CDYL2: variants seen among roughly 807,000 people sequenced by gnomAD.
CDYL2 encodes chromodomain Y-like protein 2.
Under a neutral mutation model 49.4 loss-of-function variants are expected in CDYL2, and 23 were observed. The observed-to-expected ratio is 0.47, with a 90% CI of 0.34 to 0.66. CDYL2 has a LOEUF of 0.66. Among genes scored for constraint, CDYL2 ranks in the 30% least tolerant of loss-of-function variants. The probability of loss-of-function intolerance (pLI) is 0.01; values close to 1 mark genes in which losing one functional copy is unlikely to be tolerated. For missense variants in CDYL2, 678 were observed against 656.4 expected (o/e 1.03, Z -0.36); for synonymous variants, 360 against 268.8 (o/e 1.34, Z -3.32).
intron 1 of CDYL2, among the ~76,000 whole-genome samples, chr16:80,699,500 T>C (rs1904290075): frequency 6.8e-6 from 1 of 148,114 alleles, no homozygotes; most frequent in South Asian, 2.2e-4. Context: ...CAGTAGTTAC[T>C]AGAGGCTGTG....
chr16:80,796,256 G>C (rs1597137891), intron 1 of CDYL2, among the ~76,000 whole-genome samples: 1 of 152,180 alleles, frequency 6.6e-6, no homozygotes, highest in Non-Finnish European at 1.5e-5. Context: ...AACTGATTGA[G>C]TCAGGACCAT....
intron 1 of CDYL2, among the ~76,000 whole-genome samples, chr16:80,764,327 G>T (rs2142386586): frequency 6.6e-6 from 1 of 152,240 alleles, no homozygotes; most frequent in East Asian, 1.9e-4. Flanking sequence ...CTGCAAGACT[G>T]TTCTGAGAGA....
chr16:80,608,886 C>T (rs1436693977), intron 5 of CDYL2, among the ~76,000 whole-genome samples: 2 of 152,258 alleles, frequency 1.3e-5, no homozygotes, highest in Admixed American at 1.3e-4. Context: ...ACTGCCACTT[C>T]TGCTTTCCAG....
In CDYL2 at chr16:80,612,886, C is replaced by T; in HGVS notation, c.1008-50G>A. The T allele has an allele frequency of 1.3e-6, 2 of 1,504,192 alleles. No homozygotes were observed. The highest frequency in any genetic ancestry group is 4.6e-5 in the East Asian group (2 of 43,028). 93.2% of individuals were successfully genotyped at this position (1,504,192 alleles called of 1,614,324 possible). A position where few individuals can be genotyped will look rare whatever the true frequency, so the allele number is the denominator to read the frequency against. Reference sequence around the variant, plus strand: ...GAACAGGTGACTATAGCATGCTAAGCCCCACTGGAACCCTTGACTCTCCCA... The same window carrying T: ...GAACAGGTGACTATAGCATGCTAAGTCCCACTGGAACCCTTGACTCTCCCA... On this transcript the variant is annotated intron_variant, in intron 4 of 6. Coordinates refer to ENST00000570137, the MANE Select transcript of CDYL2 (RefSeq NM_152342.4). The surrounding 1 kb of genome is among the most constrained non-coding windows in gnomAD (Gnocchi z 5.0).
At chr16:80,630,458 G>A (rs1441283254) in intron 3 of CDYL2, among the ~76,000 whole-genome samples, 1 of 152,228 alleles carries the variant, frequency 6.6e-6, no homozygotes, top group Non-Finnish European at 1.5e-5. Context: ...TTAGAAAGTA[G>A]TGAAGTAGAA....
At chr16:80,665,235 T>C (rs1476457917) in intron 2 of CDYL2, among the ~76,000 whole-genome samples, 2 of 152,180 alleles carry the variant, frequency 1.3e-5, no homozygotes, top group African/African-American at 4.8e-5. Flanking sequence ...TCAAGCTCCA[T>C]GCATCCTTCA....
At chr16:80,620,187 T>C (rs1248978713) in intron 4 of CDYL2, among the ~76,000 whole-genome samples, 2 of 152,206 alleles carry the variant, frequency 1.3e-5, no homozygotes. Context: ...CCCTTCAGTG[T>C]CCCAAAAGGG....
rs1905975295 is a variant in CDYL2 at position 80,599,315 on chromosome 16, T to TA, written c.*5072dup. On this transcript the variant is annotated 3_prime_UTR_variant, in exon 7 of 7. Transcript: ENST00000570137. ...GAACCAAATAACTTGATTTTAGCCA[T>TA]ATGATAGCCCTGGACTACTTTATGT... 6.6e-6 allele frequency: 1 copy of TA among 152,222 alleles called. No homozygotes were observed. The highest frequency in any genetic ancestry group is 1.5e-5 in the Non-Finnish European group (1 of 68,034). 9.4% of individuals were successfully genotyped at this position (152,222 alleles called of 1,614,324 possible). A position where few individuals can be genotyped will look rare whatever the true frequency, so the allele number is the denominator to read the frequency against.
chr16:80,692,616 T>C lies in CDYL2; in HGVS notation c.25-7487A>G, dbSNP rs928367395. Among the ~76,000 whole-genome samples, 3 of 152,268 alleles carry C rather than the reference T, an allele frequency of 2.0e-5. 1 individual carries two copies. The South Asian group carries it at 6.2e-4, about 31-fold the overall frequency. On this transcript the variant is annotated intron_variant, in intron 1 of 6. Transcript: ENST00000570137. ...GGAGTTGAGGCTTAAGTAATCATTG[T>C]AATTATGACAAATTGAAAGCAAATA...
chr16:80,713,998 T>A (rs1429609060), intron 1 of CDYL2, among the ~76,000 whole-genome samples: 2 of 152,144 alleles, frequency 1.3e-5, no homozygotes, highest in African/African-American at 4.8e-5. Flanking sequence ...CCAGCAGAGG[T>A]GCCGAACATT....
intron 6 of CDYL2, among the ~76,000 whole-genome samples, chr16:80,606,688 T>C (rs942120878): frequency 3.3e-5 from 5 of 152,210 alleles, no homozygotes; most frequent in South Asian, 4.1e-4. Context: ...CCAAATCTCA[T>C]CTTGAATTGT....
At chr16:80,624,121 C>G (rs1907203205) in intron 3 of CDYL2, among the ~76,000 whole-genome samples, 1 of 152,166 alleles carries the variant, frequency 6.6e-6, no homozygotes, top group Admixed American at 6.5e-5. Context: ...CGTATCTAGA[C>G]TACACAATGT....
intron 2 of CDYL2, among the ~76,000 whole-genome samples, chr16:80,649,871 A>G (rs1908512094): frequency 6.6e-6 from 1 of 152,166 alleles, no homozygotes. Flanking sequence ...GGGGAAAGAT[A>G]GCTTCTTCAA....
intron 1 of CDYL2, 120 bp downstream of exon 1, chr16:80,804,030 G>C: frequency 2.9e-6 from 2 of 695,372 alleles, no homozygotes; most frequent in Non-Finnish European, 3.5e-6. Context: ...CGCCGCCGCC[G>C]CGGGCTCGGC....
intron 2 of CDYL2, among the ~76,000 whole-genome samples, chr16:80,646,078 G>T (rs977509479): frequency 6.6e-6 from 1 of 151,230 alleles, no homozygotes; most frequent in Non-Finnish European, 1.5e-5. Context: ...CCAACATGGC[G>T]CATGTATACA....
chr16:80,637,690 C>A lies in CDYL2; in HGVS notation c.617-4454G>T, dbSNP rs115501614. On this transcript the variant is annotated intron_variant, in intron 2 of 6. Transcript: ENST00000570137. ...AATACTGTTTTAATATTCAATAGTA[C>A]AATGGAGAGATTATACTTAACAATA... Among the ~76,000 whole-genome samples, 722 of 152,160 alleles carry A rather than the reference C, an allele frequency of 4.7e-3. 7 individuals carry two copies. Among genetic ancestry groups the A allele is most frequent in the African/African-American group, 0.017 (693 of 41,494 alleles).
chr16:80,784,200 T>A (rs751049500), intron 1 of CDYL2, among the ~76,000 whole-genome samples: 16 of 152,206 alleles, frequency 1.1e-4, no homozygotes, highest in Non-Finnish European at 1.6e-4. Flanking sequence ...TATTCCTTCT[T>A]TATGGTTTCC....
intron 1 of CDYL2, among the ~76,000 whole-genome samples, chr16:80,745,037 G>C (rs17827495): frequency 0.013 from 1,962 of 152,250 alleles, 26 homozygotes; most frequent in South Asian, 0.05. Context: ...ACAGGATGAC[G>C]AAACCATGGT....
chr16:80,623,934 C>A (rs1907193954), intron 3 of CDYL2, among the ~76,000 whole-genome samples: 1 of 152,136 alleles, frequency 6.6e-6, no homozygotes, highest in African/African-American at 2.4e-5. Flanking sequence ...TTCTCCCCTC[C>A]CAGACTGTGG....
Sources: allele counts gnomAD v4.1 joint callset (sites outside exome capture counted in the v4.1 genomes callset), GRCh38; gene constraint gnomAD v4.1.1; non-coding constraint Gnocchi (gnomAD v3.1); transcripts MANE v1.5; gene names NCBI Gene and HGNC (gene_info 2026-07-23, HGNC 2026-07-21).